UBAP2: variants seen among roughly 807,000 people sequenced by gnomAD.
The protein encoded by UBAP2 is ubiquitin-associated protein 2.
Under a neutral mutation model 139.6 loss-of-function variants are expected in UBAP2, and 75 were observed. The observed-to-expected ratio is 0.54, with a 90% CI of 0.45 to 0.65. UBAP2 has a LOEUF of 0.65. UBAP2 is among the 30% of genes least tolerant of loss of function. The pLI, the probability that UBAP2 is intolerant of heterozygous loss-of-function variation, is 0.00. For synonymous variants in UBAP2, 526 were observed against 526.2 expected, an observed-to-expected ratio of 1.00 and a Z score of 0.01; for missense variants, 1,368 against 1,369.6, an observed-to-expected ratio of 1.00 and a Z score of 0.02.
chr9:33,933,690 G>A (rs2130889396), intron 17 of UBAP2, 62 bp from the exon 18 acceptor site: 1 of 1,588,998 alleles, frequency 6.3e-7, no homozygotes, highest in Non-Finnish European at 8.6e-7. Flanking sequence ...AATCCTAAGT[G>A]CCTGAAAATA....
chr9:33,983,165 A>AC (rs1450699598), intron 6 of UBAP2, among the ~76,000 whole-genome samples: 1 of 152,174 alleles, frequency 6.6e-6, no homozygotes, highest in Non-Finnish European at 1.5e-5. Flanking sequence ...GATGTGAGCC[A>AC]CGGTGCCCGG....
chr9:33,923,138 G>A (rs1345869699), intron 26 of UBAP2, 48 bp downstream of exon 26: 8 of 1,612,672 alleles, frequency 5.0e-6, no homozygotes, highest in Middle Eastern at 1.7e-4. Context: ...GATCAGGCAG[G>A]AGCCCACCAC....
chr9:34,044,602 C>A (rs149655708), intron 1 of UBAP2, among the ~76,000 whole-genome samples: 1 of 151,996 alleles, frequency 6.6e-6, no homozygotes, highest in Non-Finnish European at 1.5e-5. Flanking sequence ...TGGTGGCTCA[C>A]GCAAGTAATC....
chr9:34,005,278 A>G (rs1426152308), intron 2 of UBAP2, among the ~76,000 whole-genome samples: 1 of 150,990 alleles, frequency 6.6e-6, no homozygotes, highest in Admixed American at 6.6e-5. Flanking sequence ...AAAAAAAAAA[A>G]AAAAAAATTA....
chr9:33,926,879 G>A, intron 21 of UBAP2, 110 bp downstream of exon 21: 3 of 1,138,078 alleles, frequency 2.6e-6, no homozygotes, highest in Non-Finnish European at 3.9e-6. Context: ...GCTCAGGGAT[G>A]GAAGGGCAGC....
In UBAP2 at chr9:33,932,694, G is replaced by A. The variant is rs1384816684; in HGVS notation, c.2109-66C>T. The A allele has an allele frequency of 1.9e-5, 29 of 1,553,310 alleles. No individual in the cohort carries two copies. In the Middle Eastern group the frequency reaches 5.0e-4, roughly 27 times the overall value. On this transcript the variant is annotated intron_variant, in intron 18 of 28. Transcript: ENST00000379238. ...GTGACTCCAGATGAACAAGACGCAC[G>A]TGGGTCAGTGAGCTAGATTCAAACT...
intron 17 of UBAP2, among the ~76,000 whole-genome samples, chr9:33,935,171 G>C: frequency 1.4e-5 from 2 of 143,594 alleles, no homozygotes; most frequent in East Asian, 2.0e-4. Context: ...GGCGGGGGGG[G>C]GGGGTCTCAT....
chr9:33,953,139 G>T, intron 12 of UBAP2, 146 bp downstream of exon 12: 1 of 767,430 alleles, frequency 1.3e-6, no homozygotes, highest in Non-Finnish European at 2.0e-6. Context: ...AAAGTGCTGG[G>T]ATTACAGGCA....
intron 24 of UBAP2, 76 bp downstream of exon 24, chr9:33,923,719 G>C (rs1823148927): frequency 6.8e-7 from 1 of 1,472,346 alleles, no homozygotes; most frequent in Non-Finnish European, 9.5e-7. Flanking sequence ...CCTCCCTGCT[G>C]GAAGATAGGT....
chr9:34,008,175 G>A (rs72729316), intron 2 of UBAP2, among the ~76,000 whole-genome samples: 12,031 of 151,964 alleles, frequency 0.079, 680 homozygotes, highest in Non-Finnish European at 0.12. Flanking sequence ...TAGCCGGGCC[G>A]GGCATGGTGG....
chr9:34,020,628 A>G (rs1174051861), intron 1 of UBAP2, among the ~76,000 whole-genome samples: 1 of 149,698 alleles, frequency 6.7e-6, no homozygotes, highest in Non-Finnish European at 1.5e-5. Context: ...GCCGGCCCAG[A>G]GCCAACGATT....
rs1049815209 is a variant in UBAP2, at chr9:33,935,864, A to C, written c.1944T>G (p.Gly648=). The change falls in exon 17 of 29, where the codon GGT becomes GGG. Residue 648 remains glycine (G), a synonymous_variant. Coordinates refer to ENST00000379238, the MANE Select transcript of UBAP2 (RefSeq NM_001370062.2). ...APGTIMNGHG[G]GRSQQTLDTP... ...TGTCTAGTGTCTGCTGACTTCGACC[A>C]CCACCATGTCCATTCTATAAGGAAA... 3 of 1,613,646 alleles carry C rather than the reference A, an allele frequency of 1.9e-6. No individual in the cohort carries two copies. The highest frequency in any genetic ancestry group is 2.5e-6 in the Non-Finnish European group (3 of 1,179,914).
chr9:33,923,061 A>T (rs752910803), intron 26 of UBAP2, 28 bp from the exon 27 acceptor site: 1 of 1,613,984 alleles, frequency 6.2e-7, no homozygotes, highest in Non-Finnish European at 8.5e-7. Flanking sequence ...TGTTCCCCAC[A>T]GCAGTTGTTC....
chr9:34,022,658 T>TG (rs1025922577), intron 1 of UBAP2, among the ~76,000 whole-genome samples: 7 of 151,788 alleles, frequency 4.6e-5, no homozygotes, highest in Admixed American at 3.9e-4. Context: ...AGGCTGGTCT[T>TG]GAACTCCTGA....
chr9:34,046,643 C>CA (rs59971755), intron 1 of UBAP2, among the ~76,000 whole-genome samples: 1,469 of 122,028 alleles, frequency 0.012, 39 homozygotes, highest in East Asian at 0.029. Context: ...GACTCCATCT[C>CA]AAAAAAAAAA....
intron 1 of UBAP2, among the ~76,000 whole-genome samples, chr9:34,019,340 T>A (rs1297227049): frequency 6.6e-6 from 1 of 151,830 alleles, no homozygotes; most frequent in Admixed American, 6.6e-5. Flanking sequence ...GAGGCGGAGG[T>A]TGCAGTGAGC....
At chr9:33,986,984 A>C in intron 5 of UBAP2, 147 bp from the exon 6 acceptor site, 2 of 712,226 alleles carry the variant, frequency 2.8e-6, no homozygotes, top group Non-Finnish European at 2.4e-6. Flanking sequence ...ACAAAAACAA[A>C]AGTGACTTAA....
intron 11 of UBAP2, among the ~76,000 whole-genome samples, chr9:33,955,196 AC>A (rs1438097167): frequency 1.3e-5 from 2 of 150,804 alleles, no homozygotes; most frequent in Non-Finnish European, 1.5e-5. Flanking sequence ...AAAAAAAAAA[AC>A]AGGTCTACAA....
rs771427881 is a variant in UBAP2 at position 33,922,707 on chromosome 9, G to A, written c.3244C>T (p.His1082Tyr). ...QQPHSQLLHH[H>Y]LPQDAQSGSG... ...CTCACCTGTGCATCCTGCGGAAGGT[G>A]GTGGTGCAGCAGCTGTGAGTGGGGC... Residue 1082 changes from histidine to tyrosine, a missense_variant, in exon 28 of 29, where the codon CAC becomes TAC. Physicochemically the swap from His to Tyr is moderately conservative, Grantham distance 83. Transcript: ENST00000379238. The A allele has an allele frequency of 6.5e-7, 1 of 1,549,848 alleles. No individual in the cohort carries two copies. Among genetic ancestry groups the A allele is most frequent in the Non-Finnish European group, 8.7e-7 (1 of 1,148,524 alleles).
Sources: gnomAD v4.1 joint callset for allele counts (sites outside exome capture counted in the v4.1 genomes callset) on GRCh38, gnomAD v4.1.1 for gene constraint, MANE v1.5 for transcripts, NCBI Gene and HGNC (gene_info 2026-07-23, HGNC 2026-07-21) for gene names.